NIN: variants seen among roughly 807,000 people sequenced by gnomAD.
NIN encodes ninein.
Under a neutral mutation model 257.6 loss-of-function variants are expected in NIN, and 137 were observed. The observed-to-expected ratio is 0.53, with a 90% CI of 0.46 to 0.61. The LOEUF is 0.61. Among genes scored for constraint, NIN ranks in the 20% least tolerant of loss-of-function variants. The probability of loss-of-function intolerance (pLI) is 0.00; values close to 1 mark genes in which losing one functional copy is unlikely to be tolerated. For missense variants in NIN, 2,439 were observed against 2,501.2 expected (o/e 0.98, Z 0.53); for synonymous variants, 918 against 919.8 (o/e 1.00, Z 0.04).
chr14:50,800,230 G>A (rs1054009688), intron 4 of NIN, among the ~76,000 whole-genome samples: 5 of 152,102 alleles, frequency 3.3e-5, no homozygotes, highest in African/African-American at 1.2e-4. Context: ...TGTTTACATA[G>A]ATAGAGCACG....
At chr14:50,743,576 T>A (rs1240217086) in intron 23 of NIN, 47 bp from the exon 24 acceptor site, 2 of 1,122,404 alleles carry the variant, frequency 1.8e-6, no homozygotes, top group Admixed American at 3.4e-5. Context: ...TTTGCAAACA[T>A]AGCTAGCCTT....
chr14:50,800,196 A>G (rs1395756256), intron 4 of NIN, among the ~76,000 whole-genome samples: 1 of 152,176 alleles, frequency 6.6e-6, no homozygotes, highest in Non-Finnish European at 1.5e-5. Flanking sequence ...CTTTCATAGC[A>G]CAGTTTAATA....
At chr14:50,758,669 C>T in intron 17 of NIN, 39 bp from the exon 18 acceptor site, 1 of 1,511,926 alleles carries the variant, frequency 6.6e-7, no homozygotes, top group South Asian at 1.3e-5. Context: ...GAAACTGCCG[C>T]CAACTCCAGA....
In NIN at chr14:50,754,892, T is replaced by C. The variant is rs1052331598; in HGVS notation, c.4539-25A>G. 4 of 1,517,340 alleles carry C rather than the reference T, an allele frequency of 2.6e-6. No homozygotes were observed. In the African/African-American group the frequency reaches 5.6e-5, roughly 21 times the overall value. 94.0% of individuals were successfully genotyped at this position (1,517,340 alleles called of 1,614,324 possible). ...TCTGAAGCACAGAGATTGAAAAAAA[T>C]TGTTACAAGGCAGTCATCTGGCATC... On this transcript the variant is annotated intron_variant, in intron 18 of 30. Coordinates refer to ENST00000530997, the MANE Select transcript of NIN (RefSeq NM_020921.4).
At chr14:50,748,826 G>A (rs200795124) in intron 21 of NIN, among the ~76,000 whole-genome samples, 21 of 152,168 alleles carry the variant, frequency 1.4e-4, no homozygotes, top group African/African-American at 2.9e-4. Flanking sequence ...CAAACAAATG[G>A]GAAAACATTC....
In NIN at chr14:50,792,698, G is replaced by T. The variant is rs1340094200; in HGVS notation, c.435+14C>A. Reference sequence around the variant, plus strand: ...ACTCATGATCCAGATGAACGTGCATGCCCGATTCCTTACCTCACTGCAGTC... The same window carrying T: ...ACTCATGATCCAGATGAACGTGCATTCCCGATTCCTTACCTCACTGCAGTC... On this transcript the variant is annotated intron_variant, in intron 5 of 30. Coordinates refer to ENST00000530997, the MANE Select transcript of NIN (RefSeq NM_020921.4). 6.2e-7 allele frequency: 1 copy of T among 1,613,918 alleles called. No individual in the cohort carries two copies. The highest frequency in any genetic ancestry group is 8.5e-7 in the Non-Finnish European group (1 of 1,179,948).
At chr14:50,766,919 G>A (rs780291247) in intron 12 of NIN, 29 bp from the exon 13 acceptor site, 28 of 1,476,902 alleles carry the variant, frequency 1.9e-5, no homozygotes, top group Non-Finnish European at 2.6e-5. Flanking sequence ...ATTAAATGTG[G>A]TACAGATTAA....
intron 4 of NIN, chr14:50,806,519 T>G: frequency 5.9e-6 from 1 of 169,010 alleles, no homozygotes; most frequent in East Asian, 8.1e-5. Flanking sequence ...AATTATTTTC[T>G]CCATAATACT....
At chr14:50,789,039 C>G (rs545120545) in intron 5 of NIN, among the ~76,000 whole-genome samples, 2 of 152,200 alleles carry the variant, frequency 1.3e-5, no homozygotes, top group African/African-American at 4.8e-5. Flanking sequence ...AGCTGGGATC[C>G]AGAAGTCAAA....
chr14:50,758,040 G>T lies in NIN; in HGVS notation c.2990C>A (p.Thr997Asn). The T allele has an allele frequency of 6.2e-7, 1 of 1,614,178 alleles. No homozygotes were observed. The highest frequency in any genetic ancestry group is 8.5e-7 in the Non-Finnish European group (1 of 1,180,036). ...LLAMENIHKA[T>N]CETADRERAE... is the part of the protein sequence containing the mutation. ...TCTTTCTCGATCTGCTGTCTCACAGGTCGCTTTGTGAATGTTCTCCATGGC... is the reference window on the plus strand; with the variant it reads ...TCTTTCTCGATCTGCTGTCTCACAGTTCGCTTTGTGAATGTTCTCCATGGC... The change falls in exon 18 of 31, where the codon ACC (threonine) becomes AAC (asparagine). Residue 997 changes from threonine to asparagine, a missense_variant. Transcript: ENST00000530997.
chr14:50,724,018 G>A, intron 30 of NIN: 1 of 263,704 alleles, frequency 3.8e-6, no homozygotes, highest in Non-Finnish European at 7.4e-6. Context: ...AAATTCCTGA[G>A]GTGTCAGGTG....
rs1233099534 is a variant in NIN at position 50,771,072 on chromosome 14, G to A, written c.1119-80C>T. On this transcript the variant is annotated intron_variant, in intron 10 of 30. Transcript: ENST00000530997. The stretch of plus-strand genomic sequence containing the variant: ...ACCCAGAAAAGCTCTCATCTGGCTT[G>A]CATCAATACAGAAGCAAAACCAAGA... The A allele has an allele frequency of 2.0e-6, 3 of 1,504,776 alleles. No individual in the cohort carries two copies. In the African/African-American group the frequency reaches 4.2e-5, roughly 21 times the overall value. 93.2% of individuals were successfully genotyped at this position (1,504,776 alleles called of 1,614,324 possible). A position where few individuals can be genotyped will look rare whatever the true frequency, so the allele number is the denominator to read the frequency against.
chr14:50,818,238 G>T (rs1418243568), intron 3 of NIN, among the ~76,000 whole-genome samples: 2 of 150,342 alleles, frequency 1.3e-5, no homozygotes, highest in East Asian at 4.0e-4. Flanking sequence ...CAGGAGAAAG[G>T]CGTGAACCCG....
rs182034535 is a variant in NIN at position 50,727,084 on chromosome 14, T to C, written c.6079-1018A>G. The C allele has an allele frequency of 3.4e-5, 9 of 261,994 alleles. No individual in the cohort carries two copies. In the East Asian group the frequency reaches 1.6e-3, roughly 46 times the overall value. 16.2% of individuals were successfully genotyped at this position (261,994 alleles called of 1,614,324 possible). A position where few individuals can be genotyped will look rare whatever the true frequency, so the allele number is the denominator to read the frequency against. ...GACATCTAGCTTTTAAAAAGGCCTA[T>C]ATTTAAAAAAAAATAATAGCTTTTT... On this transcript the variant is annotated intron_variant, in intron 29 of 30. Transcript: ENST00000530997.
At chr14:50,778,312 G>C (rs1484683741) in intron 6 of NIN, among the ~76,000 whole-genome samples, 1 of 152,116 alleles carries the variant, frequency 6.6e-6, no homozygotes, top group Admixed American at 6.5e-5. Flanking sequence ...TGAGTAGCTG[G>C]GACGACAGGC....
chr14:50,764,985 TG>T (rs2042416552), intron 14 of NIN, among the ~76,000 whole-genome samples: 1 of 144,012 alleles, frequency 6.9e-6, no homozygotes, highest in Non-Finnish European at 1.5e-5. Flanking sequence ...AACAAGTGGA[TG>T]AGGCTGGGTG....
intron 23 of NIN, 120 bp downstream of exon 23, chr14:50,744,123 T>C (rs1280536435): frequency 1.8e-6 from 2 of 1,085,378 alleles, no homozygotes; most frequent in African/African-American, 3.1e-5. Context: ...GAAATGCTGC[T>C]CCAGGACACT....
intron 3 of NIN, among the ~76,000 whole-genome samples, chr14:50,820,109 T>G (rs1345332815): frequency 6.6e-6 from 1 of 152,202 alleles, no homozygotes; most frequent in African/African-American, 2.4e-5. Context: ...CTCAGGACTA[T>G]CACCAGGGAC....
intron 21 of NIN, among the ~76,000 whole-genome samples, chr14:50,749,688 T>TATTC (rs2041705315): frequency 6.6e-6 from 1 of 152,162 alleles, no homozygotes; most frequent in Admixed American, 6.5e-5. Context: ...TTTATTTATT[T>TATTC]ATTCAGTTTT....
Sources: allele counts gnomAD v4.1 joint callset (sites outside exome capture counted in the v4.1 genomes callset), GRCh38; gene constraint gnomAD v4.1.1; transcripts MANE v1.5; gene names NCBI Gene and HGNC (gene_info 2026-07-23, HGNC 2026-07-21).